The following ARHGAP6 variants were observed in gnomAD, a reference collection of about 807,000 sequenced individuals.
The protein encoded by ARHGAP6 is rho GTPase-activating protein 6.
In ARHGAP6, 16 loss-of-function variants were observed where a neutral mutation model predicts 55.7. The ratio of observed to expected loss-of-function variants is 0.29; its 90% confidence interval spans 0.19 to 0.44. The LOEUF is 0.44. Ranked by LOEUF, ARHGAP6 falls within the 20% of genes least tolerant of loss-of-function variation. ARHGAP6 has a pLI of 1.00. For synonymous variants in ARHGAP6, 382 were observed against 360.9 expected, an observed-to-expected ratio of 1.06 and a Z score of -0.66; for missense variants, 698 against 808.9, an observed-to-expected ratio of 0.86 and a Z score of 1.66.
chrX:11,189,662 T>C (rs994325148), intron 3 of ARHGAP6, among the ~76,000 whole-genome samples: 1 of 111,902 alleles, frequency 8.9e-6, no homozygotes, highest in Non-Finnish European at 1.9e-5. Context: ...ACATGCAGAG[T>C]GGACTCAGCC....
intron 1 of ARHGAP6, among the ~76,000 whole-genome samples, chrX:11,557,494 A>AAT (rs1228468519): frequency 9.0e-6 from 1 of 111,332 alleles, no homozygotes; most frequent in African/African-American, 3.3e-5. Flanking sequence ...AAAAAAAAAA[A>AAT]ATTATGAAGA....
chrX:11,661,630 T>A (rs1233117796), intron 1 of ARHGAP6, among the ~76,000 whole-genome samples: 3 of 112,340 alleles, frequency 2.7e-5, no homozygotes, highest in African/African-American at 9.7e-5. Context: ...TTCTTAGGAT[T>A]TCATATGGAT....
intron 1 of ARHGAP6, among the ~76,000 whole-genome samples, chrX:11,368,567 C>A (rs1006713552): frequency 8.9e-6 from 1 of 111,955 alleles, no homozygotes; most frequent in African/African-American, 3.2e-5. Flanking sequence ...TTGGATTCAT[C>A]TTCCATGAAT....
At chrX:11,445,307 G>A (rs1270388831) in intron 1 of ARHGAP6, among the ~76,000 whole-genome samples, 1 of 111,645 alleles carries the variant, frequency 9.0e-6, no homozygotes, top group Non-Finnish European at 1.9e-5. Context: ...ACCTCTGCAA[G>A]GTAAAAGTTT....
intron 1 of ARHGAP6, among the ~76,000 whole-genome samples, chrX:11,281,953 C>CT (rs1019094024): frequency 1.8e-5 from 2 of 111,974 alleles, no homozygotes; most frequent in African/African-American, 6.5e-5. Flanking sequence ...AACAGAGTGT[C>CT]TTGCCTTCAG....
chrX:11,229,257 T>C (rs762783176), intron 2 of ARHGAP6, among the ~76,000 whole-genome samples: 1 of 112,140 alleles, frequency 8.9e-6, no homozygotes, highest in Non-Finnish European at 1.9e-5. Flanking sequence ...AACATCTGTG[T>C]TCTTGAAAAA....
At chrX:11,167,520 G>A (rs1212509866) in intron 9 of ARHGAP6, among the ~76,000 whole-genome samples, 11 of 111,840 alleles carry the variant, frequency 9.8e-5, no homozygotes, top group Non-Finnish European at 1.5e-4. Flanking sequence ...GAATACTGAT[G>A]TTTTTATACT....
At chrX:11,142,385 A>G (rs2045632070) in intron 11 of ARHGAP6, 72 bp from the exon 12 acceptor site, 2 of 709,698 alleles carry the variant, frequency 2.8e-6, no homozygotes, top group Non-Finnish European at 4.2e-6. Context: ...TTTTAATAAC[A>G]TCTCTTCTGT....
At chrX:11,429,632 C>A (rs1039463672) in intron 1 of ARHGAP6, among the ~76,000 whole-genome samples, 2 of 112,534 alleles carry the variant, frequency 1.8e-5, no homozygotes, top group African/African-American at 6.5e-5. Context: ...CATTCTCCCA[C>A]AGCCTGATCT....
chrX:11,269,443 A>G (rs1170112869), intron 1 of ARHGAP6, among the ~76,000 whole-genome samples: 1 of 112,069 alleles, frequency 8.9e-6, no homozygotes, highest in African/African-American at 3.2e-5. Flanking sequence ...TGAATAATAT[A>G]TAGCCAATGG....
At chrX:11,514,804 C>A (rs1196124152) in intron 1 of ARHGAP6, among the ~76,000 whole-genome samples, 1 of 108,706 alleles carries the variant, frequency 9.2e-6, no homozygotes, top group Non-Finnish European at 1.9e-5. Context: ...CTGAATCTCC[C>A]TAATATTGCC....
chrX:11,247,414 G>A (rs754050963), intron 2 of ARHGAP6, among the ~76,000 whole-genome samples: 45 of 112,227 alleles, frequency 4.0e-4, no homozygotes, highest in African/African-American at 1.4e-3. Context: ...CTACACTAAC[G>A]TGCTATAGTG....
chrX:11,504,759 G>A (rs985464714), intron 1 of ARHGAP6, among the ~76,000 whole-genome samples: 1 of 111,980 alleles, frequency 8.9e-6, no homozygotes, highest in Non-Finnish European at 1.9e-5. Flanking sequence ...GACAATGGTG[G>A]TTTCATGCCT....
At chrX:11,296,816 T>A in intron 1 of ARHGAP6, 1 of 1,210,929 alleles carries the variant, frequency 8.3e-7, no homozygotes, top group Non-Finnish European at 1.1e-6. Flanking sequence ...TATATCAACT[T>A]CAGCTATGAG....
At chrX:11,172,770 C>G (rs1352437191) in intron 8 of ARHGAP6, among the ~76,000 whole-genome samples, 1 of 111,433 alleles carries the variant, frequency 9.0e-6, no homozygotes, top group Admixed American at 9.6e-5. Context: ...CACCTTTTCT[C>G]CATGTGTTTC....
intron 1 of ARHGAP6, chrX:11,367,699 T>G (rs2049099104): frequency 2.0e-6 from 1 of 503,036 alleles, no homozygotes; most frequent in Non-Finnish European, 2.4e-6. Context: ...GCTAAGTTTC[T>G]GGAAGTGACA....
chrX:11,489,334 G>C (rs1206840690), intron 1 of ARHGAP6, among the ~76,000 whole-genome samples: 2 of 111,832 alleles, frequency 1.8e-5, no homozygotes, highest in Non-Finnish European at 3.8e-5. Flanking sequence ...TAACCAAGGT[G>C]AACAATAGCA....
chrX:11,630,973 C>A (rs2052354214), intron 1 of ARHGAP6, among the ~76,000 whole-genome samples: 1 of 110,430 alleles, frequency 9.1e-6, no homozygotes, highest in Admixed American at 9.6e-5. Context: ...TGAAAGCGGC[C>A]GCTTGGCTGC....
At chrX:11,298,688 C>A (rs2048125648) in intron 1 of ARHGAP6, 3 of 1,211,081 alleles carry the variant, frequency 2.5e-6, no homozygotes, top group Non-Finnish European at 3.4e-6. Context: ...AGCCCGTGAT[C>A]CCCCAGCAAC....
Sources: gnomAD v4.1 joint callset for allele counts (sites outside exome capture counted in the v4.1 genomes callset) on GRCh38, gnomAD v4.1.1 for gene constraint, MANE v1.5 for transcripts, NCBI Gene and HGNC (gene_info 2026-07-23, HGNC 2026-07-21) for gene names.